The following LTBP1 variants were observed in gnomAD, a reference collection of about 807,000 sequenced individuals.
LTBP1 encodes latent transforming growth factor beta binding protein 1, also known as latent-transforming growth factor beta-binding protein 1.
In LTBP1, 129 loss-of-function variants were observed where a neutral mutation model predicts 207.6. The ratio of observed to expected loss-of-function variants is 0.62; its 90% CI spans 0.54 to 0.72. The LOEUF is 0.72. Among genes scored for constraint, LTBP1 ranks in the 30% least tolerant of loss-of-function variants. LTBP1 has a pLI of 0.00. For missense variants in LTBP1, 2,281 were observed against 2,217.2 expected (o/e 1.03, Z -0.58); for synonymous variants, 963 against 833.7 (o/e 1.16, Z -2.67).
intron 7 of LTBP1, among the ~76,000 whole-genome samples, chr2:33,196,402 A>G (rs904498092): frequency 3.9e-5 from 6 of 152,198 alleles, no homozygotes; most frequent in Non-Finnish European, 2.9e-5. Context: ...ACATTTAGAG[A>G]CTTTTTAGAA....
chr2:33,104,950 C>A (rs2079972814), intron 3 of LTBP1, among the ~76,000 whole-genome samples: 1 of 152,214 alleles, frequency 6.6e-6, no homozygotes, highest in South Asian at 2.1e-4. Flanking sequence ...TTGAAACCTT[C>A]AAGTTGCTGG....
At chr2:32,980,250 G>A (rs909154993) in intron 2 of LTBP1, among the ~76,000 whole-genome samples, 9 of 151,586 alleles carry the variant, frequency 5.9e-5, no homozygotes, top group South Asian at 4.2e-4. Flanking sequence ...TTCTGTTTTC[G>A]TTTTAGTGAA....
chr2:32,974,807 C>T (rs1337112014), intron 2 of LTBP1, among the ~76,000 whole-genome samples: 1 of 152,156 alleles, frequency 6.6e-6, no homozygotes, highest in Non-Finnish European at 1.5e-5. Flanking sequence ...AGACGGTATA[C>T]AGTTGGTTCT....
intron 3 of LTBP1, among the ~76,000 whole-genome samples, chr2:33,088,636 C>T (rs2078894850): frequency 6.6e-6 from 1 of 152,012 alleles, no homozygotes; most frequent in South Asian, 2.1e-4. Flanking sequence ...TTTACTGGAT[C>T]CCTTGGCTTA....
At position 33,062,588 on chromosome 2, in the gene LTBP1, T is replaced by C. The variant is rs76803892; in HGVS notation, c.863+41382T>C. On this transcript the variant is annotated intron_variant, in intron 3 of 33. Transcript: ENST00000404816. Reference sequence around the variant, plus strand: ...TCCGTTGGAATGCTTTGGCACCTTTTATCAAAAAATCAGTTGACCATATAT... The same window carrying C: ...TCCGTTGGAATGCTTTGGCACCTTTCATCAAAAAATCAGTTGACCATATAT... 4.0e-3 allele frequency among the ~76,000 whole-genome samples: 605 copies of C among 152,304 alleles called. 30 individuals carry two copies. The East Asian group carries it at 0.1, about 26-fold the overall frequency.
chr2:33,080,571 C>G (rs1558609357), intron 3 of LTBP1, among the ~76,000 whole-genome samples: 1 of 152,206 alleles, frequency 6.6e-6, no homozygotes, highest in Non-Finnish European at 1.5e-5. Flanking sequence ...ATAGATAGCA[C>G]TGTCTCTGTG....
chr2:33,134,350 A>G lies in LTBP1; in HGVS notation c.1034-443A>G. On this transcript the variant is annotated intron_variant, in intron 4 of 33. Transcript: ENST00000404816. This position sits in a 1 kb window ranked among gnomAD's most constrained non-coding sequence, Gnocchi z 4.4. Reference sequence around the variant, plus strand: ...ATAGTGACTTAATAAGTGGAGAAACAGGGAAAGTATGCAAGTTGAGGACAC... The same window carrying G: ...ATAGTGACTTAATAAGTGGAGAAACGGGGAAAGTATGCAAGTTGAGGACAC... The G allele has an allele frequency of 2.2e-6, 1 of 459,228 alleles. No individual in the cohort carries two copies. The highest frequency in any genetic ancestry group is 4.5e-6 in the Non-Finnish European group (1 of 223,686). 28.4% of individuals were successfully genotyped at this position (459,228 alleles called of 1,614,324 possible). A position where few individuals can be genotyped will look rare whatever the true frequency, so the allele number is the denominator to read the frequency against.
At chr2:33,392,134 C>G (rs1008986635) in intron 32 of LTBP1, among the ~76,000 whole-genome samples, 2 of 151,838 alleles carry the variant, frequency 1.3e-5, no homozygotes, top group African/African-American at 4.8e-5. Flanking sequence ...CTGGAATTTG[C>G]TTGAGCAGAG....
rs1301774906 is a variant in LTBP1 at position 33,399,446 on chromosome 2, T to A, written c.*901T>A. The A allele has an allele frequency of 6.6e-6, 1 of 152,236 alleles. No individual in the cohort carries two copies. The allele number at this position is 152,236 out of a possible 1,614,324, so 9.4% of individuals were successfully genotyped here. A position where few individuals can be genotyped will look rare whatever the true frequency, so the allele number is the denominator to read the frequency against. On this transcript the variant is annotated 3_prime_UTR_variant, in exon 34 of 34. Coordinates refer to ENST00000404816, the MANE Select transcript of LTBP1 (RefSeq NM_206943.4). ...CCACTTTTATCTTTTCCAGTGGTCT[T>A]CTGTTAATGTAGTGTCTTTTACAAG...
chr2:33,285,361 A>G (rs557585885), intron 19 of LTBP1, among the ~76,000 whole-genome samples: 18 of 148,396 alleles, frequency 1.2e-4, no homozygotes, highest in Non-Finnish European at 2.5e-4. Context: ...CTATATAACT[A>G]TATTCTCTTT....
chr2:33,328,107 C>G (rs979350021), intron 24 of LTBP1, among the ~76,000 whole-genome samples: 1 of 138,692 alleles, frequency 7.2e-6, no homozygotes, highest in Non-Finnish European at 1.6e-5. Flanking sequence ...TGCACTCTAG[C>G]TTGGACAACA....
chr2:33,339,280 G>C (rs2094588591), intron 24 of LTBP1, among the ~76,000 whole-genome samples: 1 of 152,130 alleles, frequency 6.6e-6, no homozygotes, highest in Admixed American at 6.5e-5. Flanking sequence ...ATATCCAATA[G>C]GTATTAGATA....
rs116332403 is a variant in LTBP1 at position 33,193,563 on chromosome 2, A to G, written c.1701+4712A>G. Among the ~76,000 whole-genome samples the G allele has an allele frequency of 1.6e-3, 245 of 152,268 alleles. 2 individuals are homozygous for G. Among genetic ancestry groups the G allele is most frequent in the African/African-American group, 5.7e-3 (236 of 41,524 alleles). On this transcript the variant is annotated intron_variant, in intron 7 of 33. Coordinates refer to ENST00000404816, the MANE Select transcript of LTBP1 (RefSeq NM_206943.4). ...CCTCACTTCCACTCTTTGTAGATAG[A>G]TATTGTGTCTTTTACTAATTGAATG... is the stretch of plus-strand genomic sequence containing the variant.
intron 22 of LTBP1, among the ~76,000 whole-genome samples, chr2:33,307,092 A>G (rs1230178244): frequency 2.0e-5 from 3 of 152,208 alleles, no homozygotes; most frequent in Non-Finnish European, 4.4e-5. Context: ...TCTCAAAAAC[A>G]AAACAAAACA....
intron 25 of LTBP1, among the ~76,000 whole-genome samples, chr2:33,346,242 A>G (rs1410188646): frequency 1.3e-5 from 2 of 152,334 alleles, no homozygotes; most frequent in East Asian, 1.9e-4. Flanking sequence ...TCAAAGGAAT[A>G]TGTAATCTGA....
chr2:33,194,236 C>T (rs760717995), intron 7 of LTBP1, among the ~76,000 whole-genome samples: 13 of 152,034 alleles, frequency 8.6e-5, no homozygotes, highest in Non-Finnish European at 1.6e-4. Context: ...CCACCCTCCT[C>T]GGCCTCCCAA....
At chr2:33,357,943 A>C (rs1468533544) in intron 26 of LTBP1, among the ~76,000 whole-genome samples, 1 of 152,186 alleles carries the variant, frequency 6.6e-6, no homozygotes, top group Non-Finnish European at 1.5e-5. Flanking sequence ...CAATGAACTA[A>C]ACTCATGTAG....
intron 18 of LTBP1, among the ~76,000 whole-genome samples, chr2:33,277,799 C>G (rs4670378): frequency 2.1e-5 from 1 of 47,478 alleles, no homozygotes; most frequent in African/African-American, 9.1e-5. Context: ...CTTTCTTTCT[C>G]TCTCTCTTTC....
intron 19 of LTBP1, 133 bp from the exon 20 acceptor site, chr2:33,293,027 T>C: frequency 3.3e-6 from 3 of 915,144 alleles, no homozygotes; most frequent in Non-Finnish European, 4.9e-6. Context: ...TTTGGGCTAA[T>C]TTGAAAGTTT....
Sources: gnomAD v4.1 joint callset for allele counts (sites outside exome capture counted in the v4.1 genomes callset) on GRCh38, gnomAD v4.1.1 for gene constraint, Gnocchi (gnomAD v3.1) non-coding constraint, MANE v1.5 for transcripts, NCBI Gene and HGNC (gene_info 2026-07-23, HGNC 2026-07-21) for gene names.